Variants in MACROD2 observed in about 807,000 individuals in gnomAD.
The protein encoded by MACROD2 is mono-ADP ribosylhydrolase 2.
In MACROD2, 36 loss-of-function variants were observed where a neutral mutation model predicts 70.4. The observed-to-expected ratio is 0.51, with a 90% CI of 0.39 to 0.68. The LOEUF (loss-of-function observed/expected upper bound fraction) is 0.68. MACROD2 is among the 30% of genes least tolerant of loss of function. The probability of loss-of-function intolerance (pLI) is 0.00; values close to 1 mark genes in which losing one functional copy is unlikely to be tolerated. For synonymous variants in MACROD2, 172 were observed against 178.8 expected, an observed-to-expected ratio of 0.96 and a Z score of 0.30; for missense variants, 496 against 538.4, an observed-to-expected ratio of 0.92 and a Z score of 0.78.
At chr20:15,184,512 A>G (rs1601190844) in intron 5 of MACROD2, among the ~76,000 whole-genome samples, 3 of 152,242 alleles carry the variant, frequency 2.0e-5, no homozygotes, top group Non-Finnish European at 2.9e-5. Flanking sequence ...GTCTCCTGTA[A>G]GCAGTAAACT....
intron 7 of MACROD2, among the ~76,000 whole-genome samples, chr20:15,438,775 T>G (rs2046459379): frequency 6.6e-6 from 1 of 152,198 alleles, no homozygotes; most frequent in Non-Finnish European, 1.5e-5. Flanking sequence ...ACCCAGTGCC[T>G]AGCAAAGCAC....
At chr20:14,596,294 G>T (rs1288587995) in intron 4 of MACROD2, among the ~76,000 whole-genome samples, 1 of 151,378 alleles carries the variant, frequency 6.6e-6, no homozygotes, top group Admixed American at 6.6e-5. Context: ...GTTTCACCGT[G>T]TTAGCCAGGA....
At chr20:16,027,027 A>G (rs1024124810) in intron 15 of MACROD2, among the ~76,000 whole-genome samples, 1 of 152,202 alleles carries the variant, frequency 6.6e-6, no homozygotes, top group Non-Finnish European at 1.5e-5. Flanking sequence ...ATCAAAGATT[A>G]AGGCCCAAGT....
chr20:14,975,744 C>G (rs1452858291), intron 5 of MACROD2, among the ~76,000 whole-genome samples: 1 of 152,022 alleles, frequency 6.6e-6, no homozygotes, highest in Admixed American at 6.6e-5. Context: ...ATTGAGGCCC[C>G]CAGTGTTTAC....
intron 8 of MACROD2, among the ~76,000 whole-genome samples, chr20:15,753,111 A>G (rs2051297558): frequency 6.6e-6 from 1 of 151,972 alleles, no homozygotes; most frequent in South Asian, 2.1e-4. Context: ...ATGGTATTAT[A>G]TTAATTTTTT....
intron 3 of MACROD2, among the ~76,000 whole-genome samples, chr20:14,266,204 G>A (rs2082143168): frequency 6.6e-6 from 1 of 152,096 alleles, no homozygotes; most frequent in South Asian, 2.1e-4. Context: ...TAACTCTTTT[G>A]TTAAGTATCA....
At chr20:14,327,528 T>C in intron 3 of MACROD2, 1 of 1,580,420 alleles carries the variant, frequency 6.3e-7, no homozygotes, top group Non-Finnish European at 8.6e-7. Flanking sequence ...TTGAGGTCTT[T>C]ATACAAGGTA....
intron 7 of MACROD2, among the ~76,000 whole-genome samples, chr20:15,458,541 C>G (rs1482249425): frequency 6.6e-6 from 1 of 151,528 alleles, no homozygotes; most frequent in East Asian, 1.9e-4. Flanking sequence ...AAATTTAGCA[C>G]TGAATCAGAG....
chr20:14,590,132 C>T (rs2123373560), intron 4 of MACROD2, among the ~76,000 whole-genome samples: 1 of 152,160 alleles, frequency 6.6e-6, no homozygotes. Context: ...ATTTTGACTA[C>T]ATTAAGGTGG....
intron 5 of MACROD2, among the ~76,000 whole-genome samples, chr20:15,107,983 CT>C (rs76491578): frequency 1.7e-3 from 241 of 142,676 alleles, no homozygotes; most frequent in Middle Eastern, 7.5e-3. Context: ...AGAGCAAGCT[CT>C]TTTTTTTTTT....
At chr20:15,585,664 C>T (rs1198767647) in intron 8 of MACROD2, among the ~76,000 whole-genome samples, 2 of 152,198 alleles carry the variant, frequency 1.3e-5, no homozygotes, top group Non-Finnish European at 2.9e-5. Flanking sequence ...TGCACCTTTT[C>T]CAAGAGCTTT....
chr20:14,314,589 C>T (rs565398390), intron 3 of MACROD2, among the ~76,000 whole-genome samples: 2 of 152,132 alleles, frequency 1.3e-5, no homozygotes, highest in South Asian at 4.2e-4. Context: ...GGAGAAACCC[C>T]ATCTCTACTA....
chr20:14,578,765 G>T (rs555379917), intron 4 of MACROD2, among the ~76,000 whole-genome samples: 1 of 152,112 alleles, frequency 6.6e-6, no homozygotes, highest in Non-Finnish European at 1.5e-5. Flanking sequence ...AGCTGATATC[G>T]GGGAAGGTAA....
At chr20:15,191,973 TTAAA>T (rs766690947) in intron 5 of MACROD2, among the ~76,000 whole-genome samples, 1 of 151,712 alleles carries the variant, frequency 6.6e-6, no homozygotes, top group Non-Finnish European at 1.5e-5. Flanking sequence ...CTTTATATAG[TTAAA>T]TAAATTATAT....
chr20:14,074,967 C>A (rs2053898522), intron 2 of MACROD2, among the ~76,000 whole-genome samples: 1 of 152,154 alleles, frequency 6.6e-6, no homozygotes, highest in Non-Finnish European at 1.5e-5. Context: ...ATTGTAGATG[C>A]TATACAGCCA....
intron 5 of MACROD2, chr20:14,929,386 G>A (rs1006987201): frequency 2.0e-5 from 3 of 152,166 alleles, no homozygotes; most frequent in African/African-American, 7.2e-5. Context: ...ATTGTCAGTT[G>A]ATTATAAAGC....
intron 8 of MACROD2, among the ~76,000 whole-genome samples, chr20:15,629,875 C>T (rs1018286035): frequency 6.6e-6 from 1 of 152,152 alleles, no homozygotes; most frequent in East Asian, 1.9e-4. Context: ...ATCAAAAGAA[C>T]GATGTCTACA....
chr20:14,879,308 C>G (rs534072524), intron 5 of MACROD2, among the ~76,000 whole-genome samples: 10 of 152,146 alleles, frequency 6.6e-5, no homozygotes, highest in African/African-American at 1.9e-4. Context: ...ATCTGTATAC[C>G]TAAATTCTTT....
intron 5 of MACROD2, among the ~76,000 whole-genome samples, chr20:14,901,117 T>G (rs1202950593): frequency 6.6e-6 from 1 of 152,070 alleles, no homozygotes; most frequent in Non-Finnish European, 1.5e-5. Flanking sequence ...ATTTTGAGTT[T>G]CATTTCAAGA....
Sources: allele counts gnomAD v4.1 joint callset (sites outside exome capture counted in the v4.1 genomes callset), GRCh38; gene constraint gnomAD v4.1.1; transcripts MANE v1.5; gene names NCBI Gene and HGNC (gene_info 2026-07-23, HGNC 2026-07-21).